The following DIP2C variants were observed in gnomAD, a reference collection of about 807,000 sequenced individuals.
DIP2C encodes DIP2 acetate--CoA ligase C (putative).
In DIP2C, 33 loss-of-function variants were observed where a neutral mutation model predicts 192.4. The observed-to-expected ratio is 0.17, with a 90% confidence interval of 0.13 to 0.23. The LOEUF is 0.23. DIP2C is among the 10% of genes least tolerant of loss of function. The pLI, the probability that DIP2C is intolerant of heterozygous loss-of-function variation, is 1.00. For synonymous variants in DIP2C, 979 were observed against 864.1 expected (o/e 1.13, Z -2.33); for missense variants, 1,537 against 2,110.1 (o/e 0.73, Z 5.32).
chr10:443,423 G>A (rs61837235), intron 3 of DIP2C, among the ~76,000 whole-genome samples: 38,277 of 152,092 alleles, frequency 0.25, 5,951 homozygotes, highest in Non-Finnish European at 0.35. Flanking sequence ...ATTTGACACC[G>A]GATTCCCCAG....
intron 1 of DIP2C, among the ~76,000 whole-genome samples, chr10:487,687 C>T (rs1253486978): frequency 6.9e-6 from 1 of 144,914 alleles, no homozygotes; most frequent in South Asian, 2.3e-4. Context: ...ACACCATTCT[C>T]CTACCTCAGC....
At chr10:684,590 G>T (rs996348667) in intron 1 of DIP2C, among the ~76,000 whole-genome samples, 1 of 152,164 alleles carries the variant, frequency 6.6e-6, no homozygotes, top group Non-Finnish European at 1.5e-5. Flanking sequence ...TTACACAGGC[G>T]TGTGACTTCC....
chr10:380,759 C>A (rs1292777206), intron 17 of DIP2C, among the ~76,000 whole-genome samples: 1 of 152,208 alleles, frequency 6.6e-6, no homozygotes, highest in Non-Finnish European at 1.5e-5. Flanking sequence ...GGAAGCCTTG[C>A]CAGACCTCAC....
chr10:538,225 A>G (rs1473207320), intron 1 of DIP2C, among the ~76,000 whole-genome samples: 1 of 152,170 alleles, frequency 6.6e-6, no homozygotes, highest in Non-Finnish European at 1.5e-5. Flanking sequence ...TGGCACAATG[A>G]TAGCTCACAC....
intron 8 of DIP2C, among the ~76,000 whole-genome samples, chr10:412,426 G>A (rs140875792): frequency 6.6e-5 from 10 of 152,322 alleles, no homozygotes; most frequent in African/African-American, 9.6e-5. Context: ...GAATTTGGCC[G>A]GAGATGAGGG....
At chr10:465,194 C>G (rs2133399140) in intron 3 of DIP2C, among the ~76,000 whole-genome samples, 2 of 141,030 alleles carry the variant, frequency 1.4e-5, no homozygotes, top group African/African-American at 5.4e-5. Context: ...CCACCATGAT[C>G]AAGTGGGCTT....
intron 24 of DIP2C, among the ~76,000 whole-genome samples, chr10:354,544 ACTT>A (rs1958981935): frequency 6.6e-6 from 1 of 152,164 alleles, no homozygotes; most frequent in Non-Finnish European, 1.5e-5. Flanking sequence ...GGGGTCTGCT[ACTT>A]CTTGAGCTGC....
intron 31 of DIP2C, chr10:311,593 GAA>G: frequency 8.1e-7 from 1 of 1,232,214 alleles, no homozygotes; most frequent in East Asian, 3.2e-5. Context: ...GTGAGGACGA[GAA>G]GAGAGGAGAG....
chr10:477,249 AATGG>A (rs1171563875), intron 2 of DIP2C, among the ~76,000 whole-genome samples: 1 of 109,420 alleles, frequency 9.1e-6, no homozygotes, highest in Non-Finnish European at 1.8e-5. Flanking sequence ...TGGAGAAAAG[AATGG>A]ATGGATAGGA....
In DIP2C at chr10:636,084, G is replaced by A. The variant is rs766459883; in HGVS notation, c.85+53410C>T. On this transcript the variant is annotated intron_variant, in intron 1 of 36. Transcript: ENST00000280886. The surrounding 1 kb of genome is among the most constrained non-coding windows in gnomAD (Gnocchi z 4.6). ...TTCTTAATGACAATCCACACTACATGTGTGTTTCCAGCATCAACCTGTGCT... is the reference window on the plus strand; with the variant it reads ...TTCTTAATGACAATCCACACTACATATGTGTTTCCAGCATCAACCTGTGCT... Among the ~76,000 whole-genome samples the A allele has an allele frequency of 1.3e-5, 2 of 152,184 alleles. No homozygotes were observed. The highest frequency in any genetic ancestry group is 2.9e-5 in the Non-Finnish European group (2 of 68,028).
intron 1 of DIP2C, among the ~76,000 whole-genome samples, chr10:618,674 AG>A (rs1853635964): frequency 6.6e-6 from 1 of 152,228 alleles, no homozygotes; most frequent in South Asian, 2.1e-4. Context: ...ACTATCACTC[AG>A]CTACAGCCTC....
At chr10:498,630 C>A (rs1022484846) in intron 1 of DIP2C, among the ~76,000 whole-genome samples, 1 of 152,180 alleles carries the variant, frequency 6.6e-6, no homozygotes, top group African/African-American at 2.4e-5. Flanking sequence ...AGTTTCTGCC[C>A]ATTCCTTCCC....
intron 1 of DIP2C, among the ~76,000 whole-genome samples, chr10:577,183 G>A (rs1191205801): frequency 6.6e-6 from 1 of 152,276 alleles, no homozygotes; most frequent in Non-Finnish European, 1.5e-5. Context: ...CCTTTGACAA[G>A]GTAAAACTGA....
intron 8 of DIP2C, among the ~76,000 whole-genome samples, chr10:411,688 G>C (rs1257062896): frequency 2.0e-5 from 3 of 151,652 alleles, no homozygotes; most frequent in East Asian, 4.0e-4. Context: ...ATTCTCATTC[G>C]ATACCAAATT....
At chr10:472,315 G>T (rs1403029013) in intron 3 of DIP2C, 124 bp downstream of exon 3, 1 of 760,554 alleles carries the variant, frequency 1.3e-6, no homozygotes. Context: ...CAGAAAGCTG[G>T]AGGCCCCTCG....
intron 17 of DIP2C, among the ~76,000 whole-genome samples, chr10:381,634 G>A (rs147878513): frequency 1.4e-3 from 215 of 152,318 alleles, no homozygotes; most frequent in African/African-American, 4.9e-3. Context: ...GACAGTGGGA[G>A]GGAGACACGT....
intron 1 of DIP2C, among the ~76,000 whole-genome samples, chr10:545,141 T>C (rs1272824827): frequency 6.7e-6 from 1 of 150,094 alleles, no homozygotes; most frequent in Non-Finnish European, 1.5e-5. Flanking sequence ...GAGTAGGCCC[T>C]GATCCAACAT....
chr10:427,631 GAATTAGCACATTAAAAGCT>G (rs1256175163), intron 4 of DIP2C, among the ~76,000 whole-genome samples: 3 of 152,044 alleles, frequency 2.0e-5, no homozygotes, highest in Non-Finnish European at 4.4e-5. Context: ...CTATGAATAG[GAATTAGCACATTAAAAGCT>G]AATAAGCACA....
intron 32 of DIP2C, among the ~76,000 whole-genome samples, chr10:309,581 C>T (rs897328289): frequency 3.9e-4 from 56 of 144,614 alleles, no homozygotes; most frequent in Admixed American, 6.9e-4. Flanking sequence ...TTTTTTGAGA[C>T]GGGATCTCAC....
Sources: allele counts gnomAD v4.1 joint callset (sites outside exome capture counted in the v4.1 genomes callset), GRCh38; gene constraint gnomAD v4.1.1; non-coding constraint Gnocchi (gnomAD v3.1); transcripts MANE v1.5; gene names NCBI Gene and HGNC (gene_info 2026-07-23, HGNC 2026-07-21).